GSE1: variants seen among roughly 807,000 people sequenced by gnomAD.
GSE1 encodes Gse1 coiled-coil protein, also known as genetic suppressor element 1.
Under a neutral mutation model 112.6 loss-of-function variants are expected in GSE1, and 32 were observed. The ratio of observed to expected loss-of-function variants is 0.28; its 90% confidence interval spans 0.21 to 0.38. The LOEUF (loss-of-function observed/expected upper bound fraction) is 0.38. GSE1 is among the 10% of genes least tolerant of loss of function. The probability of loss-of-function intolerance (pLI) is 1.00; values close to 1 mark genes in which losing one functional copy is unlikely to be tolerated. For missense variants in GSE1, 2,348 were observed against 1,699.2 expected (o/e 1.38, Z -6.71); for synonymous variants, 1,115 against 735.6 (o/e 1.52, Z -8.35).
chr16:85,590,320 G>A (rs1001583281), intron 1 of GSE1, among the ~76,000 whole-genome samples: 4 of 151,516 alleles, frequency 2.6e-5, no homozygotes, highest in African/African-American at 9.7e-5. Flanking sequence ...GCCCATGTGT[G>A]AATGTGAGTG....
chr16:85,247,969 C>G (rs1389161775), intron 1 of GSE1, among the ~76,000 whole-genome samples: 1 of 152,240 alleles, frequency 6.6e-6, no homozygotes, highest in African/African-American at 2.4e-5. Flanking sequence ...TCCTCGGGGA[C>G]AAATTGCCCA....
intron 1 of GSE1, among the ~76,000 whole-genome samples, chr16:85,225,897 C>T (rs2075477096): frequency 6.6e-6 from 1 of 152,222 alleles, no homozygotes; most frequent in Non-Finnish European, 1.5e-5. Context: ...AGCACGTCAA[C>T]TGGGGCTGTG....
chr16:85,445,153 G>C (rs1055715371), intron 2 of GSE1, among the ~76,000 whole-genome samples: 13 of 152,252 alleles, frequency 8.5e-5, no homozygotes, highest in African/African-American at 3.1e-4. Flanking sequence ...AGCCACCTGA[G>C]ACTGGGCATC....
intron 1 of GSE1, among the ~76,000 whole-genome samples, chr16:85,354,279 A>G (rs759144650): frequency 2.0e-5 from 3 of 152,214 alleles, no homozygotes; most frequent in Non-Finnish European, 4.4e-5. Context: ...CAACTGCTTC[A>G]GGTCAAACCC....
intron 2 of GSE1, chr16:85,357,790 C>T (rs2046981173): frequency 2.6e-6 from 1 of 388,812 alleles, no homozygotes; most frequent in Non-Finnish European, 4.6e-6. Flanking sequence ...CTGGGTCTCC[C>T]TTACTGGAGT....
intron 1 of GSE1, among the ~76,000 whole-genome samples, chr16:85,263,042 G>A (rs1407986373): frequency 2.0e-5 from 3 of 152,208 alleles, no homozygotes; most frequent in East Asian, 3.9e-4. Context: ...CCCACAGATC[G>A]CGGGAGGGCG....
At position 85,601,524 on chromosome 16, in the gene GSE1, G is replaced by A. The variant is rs76113812; in HGVS notation, c.37+45161G>A. On this transcript the variant is annotated intron_variant, in intron 1 of 2. Transcript: ENST00000635906. ...GAGGCAATCAGGTAGAAATCAAGGTGGGGGGGTGACCTGGGGACCCACTGC... is the reference window on the plus strand; with the variant it reads ...GAGGCAATCAGGTAGAAATCAAGGTAGGGGGGTGACCTGGGGACCCACTGC... 2.6e-4 allele frequency among the ~76,000 whole-genome samples: 40 copies of A among 152,124 alleles called. 2 individuals are homozygous for A. The East Asian group carries it at 6.8e-3, about 26-fold the overall frequency.
intron 2 of GSE1, among the ~76,000 whole-genome samples, chr16:85,374,251 G>A (rs1049664930): frequency 2.6e-5 from 4 of 151,406 alleles, no homozygotes; most frequent in African/African-American, 4.9e-5. Flanking sequence ...ATGGTCGTGC[G>A]TGGTCCTCGG....
intron 2 of GSE1, among the ~76,000 whole-genome samples, chr16:85,546,927 G>A (rs1477516343): frequency 2.6e-5 from 4 of 152,236 alleles, no homozygotes; most frequent in Non-Finnish European, 5.9e-5. Flanking sequence ...GGCCACGTCC[G>A]ATGATCTCCG....
At chr16:85,498,073 C>G (rs2051241063) in intron 2 of GSE1, among the ~76,000 whole-genome samples, 1 of 152,134 alleles carries the variant, frequency 6.6e-6, no homozygotes, top group Admixed American at 6.5e-5. Context: ...GTGCCTGGAT[C>G]TGGCCCCAGA....
chr16:85,553,754 T>C (rs1392476958), upstream of GSE1, among the ~76,000 whole-genome samples: 3 of 152,126 alleles, frequency 2.0e-5, no homozygotes, highest in Non-Finnish European at 2.9e-5. Context: ...GCAAGTGGCT[T>C]GGAGAGGTCA....
chr16:85,610,466 G>T (rs2047917972), upstream of GSE1, among the ~76,000 whole-genome samples: 1 of 152,370 alleles, frequency 6.6e-6, no homozygotes, highest in East Asian at 1.9e-4. Flanking sequence ...CCCCAGTGCT[G>T]GGAAATTAGG....
intron 1 of GSE1, among the ~76,000 whole-genome samples, chr16:85,181,277 T>A (rs2074578209): frequency 6.6e-6 from 1 of 152,204 alleles, no homozygotes; most frequent in Non-Finnish European, 1.5e-5. Flanking sequence ...AATGGCCCCA[T>A]GGGCGGATGG....
chr16:85,557,114 A>T (rs2045267701), intron 1 of GSE1, among the ~76,000 whole-genome samples: 1 of 152,044 alleles, frequency 6.6e-6, no homozygotes, highest in African/African-American at 2.4e-5. Flanking sequence ...CTTAAAAAAA[A>T]TTAAGTGTAG....
At chr16:85,643,078 GT>G (rs1284865199) in intron 2 of GSE1, among the ~76,000 whole-genome samples, 1 of 152,180 alleles carries the variant, frequency 6.6e-6, no homozygotes, top group African/African-American at 2.4e-5. Context: ...CTGCGGTCCT[GT>G]TTTTGCCCTC....
At chr16:85,179,744 T>A (rs1422148492) in intron 1 of GSE1, among the ~76,000 whole-genome samples, 1,268 of 152,298 alleles carry the variant, frequency 8.3e-3, no homozygotes, top group African/African-American at 0.028. Context: ...TTGTTCTCCC[T>A]GGGATGAGGG....
rs750566084 is a variant in GSE1 at position 85,605,663 on chromosome 16, G to A, written c.38-42889G>A. Among the ~76,000 whole-genome samples the A allele has an allele frequency of 2.3e-3, 343 of 151,826 alleles. 3 individuals are homozygous for A. The highest frequency in any genetic ancestry group is 4.4e-4 in the Non-Finnish European group (30 of 67,984). The stretch of plus-strand genomic sequence containing the variant: ...ATGTCCATCCTCCCCCTGCACCCCC[G>A]GGGGGGCCACCGGCTGTGCTCTCCA... On this transcript the variant is annotated intron_variant, in intron 1 of 2. Transcript: ENST00000635906.
intron 3 of GSE1, 28 bp from the exon 4 acceptor site, chr16:85,654,250 G>A: frequency 2.6e-6 from 4 of 1,565,948 alleles, no homozygotes; most frequent in Non-Finnish European, 3.5e-6. Context: ...CCAGGCTCCT[G>A]CCCTGACTGG....
chr16:85,587,090 T>C (rs1490083647), intron 1 of GSE1, among the ~76,000 whole-genome samples: 1 of 150,424 alleles, frequency 6.6e-6, no homozygotes. Flanking sequence ...GAGGAGACAA[T>C]AGTAGGATGG....
Sources: gnomAD v4.1 joint callset for allele counts (sites outside exome capture counted in the v4.1 genomes callset) on GRCh38, gnomAD v4.1.1 for gene constraint, MANE v1.5 for transcripts, NCBI Gene and HGNC (gene_info 2026-07-23, HGNC 2026-07-21) for gene names.